Variants in TMEM116 observed in about 807,000 individuals in gnomAD.
The protein encoded by TMEM116 is transmembrane protein 116.
TMEM116 carries 38 observed loss-of-function variants against 44.3 expected under a neutral mutation model. The ratio of observed to expected loss-of-function variants is 0.86; its 90% CI spans 0.66 to 1.12. The LOEUF is 1.12. Ranked by LOEUF, TMEM116 falls within the 50% of genes most tolerant of loss-of-function variation. The pLI, the probability that TMEM116 is intolerant of heterozygous loss-of-function variation, is 0.00. For missense variants in TMEM116, 354 were observed against 401.7 expected (o/e 0.88, Z 1.01); for synonymous variants, 132 against 144.8 (o/e 0.91, Z 0.64).
At chr12:111,931,291 A>G (rs1025152856), downstream of TMEM116, 11 of 262,954 alleles carry the variant, frequency 4.2e-5, no homozygotes, top group African/African-American at 1.8e-4. Flanking sequence ...CTTTGAAATG[A>G]CACATATAAA....
At chr12:111,990,701 TAGA>T (rs1276394020) in intron 4 of TMEM116, among the ~76,000 whole-genome samples, 2 of 152,186 alleles carry the variant, frequency 1.3e-5, no homozygotes, top group African/African-American at 4.8e-5. Context: ...CTCAGAAATA[TAGA>T]AGCAGTATTA....
chr12:112,000,916 T>A (rs1287727177), intron 3 of TMEM116: 1 of 412,986 alleles, frequency 2.4e-6, no homozygotes, highest in Non-Finnish European at 4.9e-6. Context: ...AATTTCTCTT[T>A]GTGCAGCATG....
intron 4 of TMEM116, among the ~76,000 whole-genome samples, chr12:111,979,046 A>C (rs2136514684): frequency 6.6e-6 from 1 of 152,336 alleles, no homozygotes; most frequent in South Asian, 2.1e-4. Context: ...AAAACACAAA[A>C]GTTCTATAAA....
intron 4 of TMEM116, among the ~76,000 whole-genome samples, chr12:111,957,870 T>A (rs938812033): frequency 6.6e-6 from 1 of 152,198 alleles, no homozygotes; most frequent in Non-Finnish European, 1.5e-5. Context: ...GAGATCAGAT[T>A]GTTATTGTGT....
chr12:111,942,495 A>G (rs1314558871), intron 5 of TMEM116, among the ~76,000 whole-genome samples: 1 of 151,890 alleles, frequency 6.6e-6, no homozygotes, highest in Non-Finnish European at 1.5e-5. Flanking sequence ...AATGGTGTCA[A>G]TCTCCTGACC....
chr12:111,940,498 C>CACACACACACACACAT (rs1428367550), intron 5 of TMEM116, among the ~76,000 whole-genome samples: 10 of 118,904 alleles, frequency 8.4e-5, no homozygotes, highest in Admixed American at 1.7e-4. Context: ...CACACACACA[C>CACACACACACACACAT]ATATATATAC....
intron 4 of TMEM116, among the ~76,000 whole-genome samples, chr12:111,965,370 G>GA (rs2074911792): frequency 6.6e-6 from 1 of 151,930 alleles, no homozygotes; most frequent in Non-Finnish European, 1.5e-5. Flanking sequence ...TTTTAATACA[G>GA]AAAAAATAAA....
chr12:111,978,722 A>G, intron 4 of TMEM116: 1 of 421,646 alleles, frequency 2.4e-6, no homozygotes, highest in African/African-American at 2.1e-5. Flanking sequence ...GCAAACCAGG[A>G]AGTGGGCTCT....
At chr12:111,968,948 G>A (rs1236345432) in intron 4 of TMEM116, among the ~76,000 whole-genome samples, 4 of 140,468 alleles carry the variant, frequency 2.8e-5, no homozygotes, top group South Asian at 2.4e-4. Flanking sequence ...AGCCCACGTC[G>A]TGTCACTGCA....
chr12:111,935,612 T>TTGTGTG (rs1565864798), intron 8 of TMEM116: 1 of 104,292 alleles, frequency 9.6e-6, no homozygotes, highest in Non-Finnish European at 1.8e-5. Flanking sequence ...CTGAGCCATC[T>TTGTGTG]CGTGTGTGTG....
intron 3 of TMEM116, among the ~76,000 whole-genome samples, chr12:111,994,050 T>A (rs1453514570): frequency 6.6e-6 from 1 of 152,134 alleles, no homozygotes; most frequent in Non-Finnish European, 1.5e-5. Context: ...GCAGCTTGGG[T>A]TAACTCAGTG....
chr12:112,002,710 T>C (rs2077330072), intron 3 of TMEM116, among the ~76,000 whole-genome samples: 1 of 152,244 alleles, frequency 6.6e-6, no homozygotes, highest in South Asian at 2.1e-4. Flanking sequence ...TATAGATTGA[T>C]GAGGACCAAT....
chr12:112,009,204 G>GT (rs1208809666), intron 1 of TMEM116, among the ~76,000 whole-genome samples: 1 of 152,122 alleles, frequency 6.6e-6, no homozygotes, highest in African/African-American at 2.4e-5. Flanking sequence ...AGAAGGAACT[G>GT]AAGATAAAGA....
chr12:111,937,341 C>T, intron 6 of TMEM116, 98 bp from the exon 7 acceptor site: 1 of 843,200 alleles, frequency 1.2e-6, no homozygotes, highest in Non-Finnish European at 2.0e-6. Flanking sequence ...CTCTATCATC[C>T]CACCAATCTC....
rs80283868 is a variant in TMEM116 at position 111,986,627 on chromosome 12, T to G, written c.210+5131A>C. Among the ~76,000 whole-genome samples the G allele has an allele frequency of 2.1e-4, 32 of 152,064 alleles. No homozygotes were observed. The East Asian group carries it at 5.8e-3, about 28-fold the overall frequency. ...GAGTTCAAGACTAGTGTGAGCAACA[T>G]AGGAGACCCCATCTCTACCAAAAAT... On this transcript the variant is annotated intron_variant, in intron 4 of 10. Transcript: ENST00000552374.
chr12:111,968,967 T>G (rs9971833), intron 4 of TMEM116, among the ~76,000 whole-genome samples: 27,811 of 128,004 alleles, frequency 0.22, 2,922 homozygotes, highest in Middle Eastern at 0.36. Flanking sequence ...CACTCCAACC[T>G]GGGCAACAGA....
intron 4 of TMEM116, among the ~76,000 whole-genome samples, chr12:111,959,428 AC>A (rs2074410775): frequency 6.6e-6 from 1 of 152,228 alleles, no homozygotes; most frequent in African/African-American, 2.4e-5. Flanking sequence ...CTACGAAGAA[AC>A]TGCTTCAACT....
chr12:111,988,806 A>G (rs538438088), intron 4 of TMEM116, among the ~76,000 whole-genome samples: 1 of 151,990 alleles, frequency 6.6e-6, no homozygotes, highest in Non-Finnish European at 1.5e-5. Flanking sequence ...CCTGGCCAAC[A>G]TAGTGAAACC....
rs79141621 is a variant in TMEM116 at position 112,001,897 on chromosome 12, G to T, written c.78+1903C>A. The stretch of plus-strand genomic sequence containing the variant: ...GACATTATATTTTGGTGGTTTAAAA[G>T]TGTATGGTGGAGAGGCTCTGGAACA... On this transcript the variant is annotated intron_variant, in intron 3 of 10. Transcript: ENST00000552374. Among the ~76,000 whole-genome samples the T allele has an allele frequency of 1.3e-3, 203 of 152,274 alleles. 2 individuals carry two copies. The East Asian group carries it at 0.021, about 16-fold the overall frequency.
Sources: gnomAD v4.1 joint callset for allele counts (sites outside exome capture counted in the v4.1 genomes callset) on GRCh38, gnomAD v4.1.1 for gene constraint, MANE v1.5 for transcripts, NCBI Gene and HGNC (gene_info 2026-07-23, HGNC 2026-07-21) for gene names.